Variants in NIPBL observed in about 807,000 individuals in gnomAD.
The protein encoded by NIPBL is NIPBL cohesin loading factor.
In NIPBL, 19 loss-of-function variants were observed where a neutral mutation model predicts 321.8. That is an observed-to-expected ratio of 0.06 (90% CI 0.04 to 0.09). The LOEUF (loss-of-function observed/expected upper bound fraction) is 0.09. Among genes scored for constraint, NIPBL ranks in the 10% least tolerant of loss-of-function variants. The pLI, the probability that NIPBL is intolerant of heterozygous loss-of-function variation, is 1.00. For missense variants in NIPBL, 2,210 were observed against 3,327.0 expected (o/e 0.66, Z 8.26); for synonymous variants, 1,106 against 1,114.1 (o/e 0.99, Z 0.14).
chr5:36,985,458 C>T lies in NIPBL; in HGVS notation c.2278C>T (p.His760Tyr), dbSNP rs1466832100. 2 of 1,613,698 alleles carry T rather than the reference C, an allele frequency of 1.2e-6. No homozygotes were observed. Among genetic ancestry groups the T allele is most frequent in the South Asian group, 2.2e-5 (2 of 91,076 alleles). ...TGAAGGGCGACCTGAAACACCAAAA[C>T]ACAGGCATGACAATAGGAGGGATTC... ...KNEGRPETPK[H>Y]RHDNRRDSGK... Residue 760 changes from histidine to tyrosine, a missense_variant, in exon 10 of 47, where the codon CAC (histidine) becomes TAC (tyrosine). His to Tyr is a moderately conservative substitution (Grantham distance 83). This residue lies in a region of NIPBL where 588 missense variants were observed against 564.1 expected (regional missense o/e 1.04). Coordinates refer to ENST00000282516, the MANE Select transcript of NIPBL (RefSeq NM_133433.4).
chr5:36,980,611 A>T (rs1744030698), intron 9 of NIPBL, among the ~76,000 whole-genome samples: 1 of 151,658 alleles, frequency 6.6e-6, no homozygotes, highest in African/African-American at 2.4e-5. Flanking sequence ...CATGCTGTAC[A>T]GGTTTATAGC....
intron 22 of NIPBL, among the ~76,000 whole-genome samples, chr5:37,015,323 C>T (rs1001495218): frequency 3.3e-5 from 5 of 152,062 alleles, no homozygotes; most frequent in African/African-American, 4.8e-5. Flanking sequence ...GGGGTTTCCC[C>T]GTGTTGGTTA....
At chr5:37,030,104 A>G (rs546933806) in intron 32 of NIPBL, among the ~76,000 whole-genome samples, 1 of 152,342 alleles carries the variant, frequency 6.6e-6, no homozygotes, top group African/African-American at 2.4e-5. Context: ...ATCTACAATA[A>G]TGTCATCTTG....
intron 10 of NIPBL, among the ~76,000 whole-genome samples, chr5:36,994,325 A>G (rs1005580166): frequency 1.3e-5 from 2 of 152,276 alleles, no homozygotes; most frequent in African/African-American, 4.8e-5. Flanking sequence ...AGAAGAACAG[A>G]AGCCTAAAAG....
At chr5:37,049,753 A>G (rs1331973337) in intron 40 of NIPBL, among the ~76,000 whole-genome samples, 1 of 152,226 alleles carries the variant, frequency 6.6e-6, no homozygotes, top group Non-Finnish European at 1.5e-5. Context: ...TCGACACCTC[A>G]TAGCATTAAT....
At chr5:36,952,053 T>TGTGTGTGTGCGTGTGCGC (rs778597604) in intron 1 of NIPBL, among the ~76,000 whole-genome samples, 2 of 112,114 alleles carry the variant, frequency 1.8e-5, no homozygotes, top group African/African-American at 6.2e-5. Flanking sequence ...TGTGTGTGTG[T>TGTGTGTGTGCGTGTGCGC]GCGCGCGCGC....
intron 38 of NIPBL, 34 bp downstream of exon 38, chr5:37,046,233 T>C (rs1752967440): frequency 9.1e-7 from 1 of 1,103,590 alleles, no homozygotes; most frequent in Admixed American, 1.7e-5. Flanking sequence ...TTGTAGCTAT[T>C]TGAGAGGGAT....
intron 42 of NIPBL, among the ~76,000 whole-genome samples, chr5:37,056,425 G>A (rs1203913817): frequency 6.6e-6 from 1 of 151,832 alleles, no homozygotes; most frequent in Non-Finnish European, 1.5e-5. Flanking sequence ...ATATTAATAT[G>A]CCTTTCTGTT....
Position 36,891,834 on chromosome 5 carries a change from G to A in NIPBL, c.-80+14656G>A, listed in dbSNP as rs569742855. Among the ~76,000 whole-genome samples, 77 of 152,240 alleles carry A rather than the reference G, an allele frequency of 5.1e-4. 1 individual carries two copies. The South Asian group carries it at 9.9e-3, about 20-fold the overall frequency. On this transcript the variant is annotated intron_variant, in intron 1 of 46. Transcript: ENST00000282516. ...TCCTCAATTAAGATGGGGGATTGTA[G>A]CGAAGGAAACCCATAACAAATATTA...
intron 46 of NIPBL, 144 bp from the exon 47 acceptor site, chr5:37,064,383 C>CGGT (rs1755165918): frequency 2.6e-6 from 4 of 1,522,560 alleles, no homozygotes; most frequent in Non-Finnish European, 3.5e-6. Flanking sequence ...CTGGCGGTCA[C>CGGT]GGTGCGTCTC....
At chr5:37,005,538 A>G (rs1000507457) in intron 16 of NIPBL, among the ~76,000 whole-genome samples, 2 of 152,186 alleles carry the variant, frequency 1.3e-5, no homozygotes, top group African/African-American at 2.4e-5. Flanking sequence ...ACAAACAGCA[A>G]TGTTCGCATC....
chr5:36,983,481 AT>A, intron 9 of NIPBL, among the ~76,000 whole-genome samples: 1 of 152,042 alleles, frequency 6.6e-6, no homozygotes, highest in African/African-American at 2.4e-5. Flanking sequence ...ATAAGGAGCC[AT>A]TTTTCAGTTG....
At chr5:36,940,008 A>G (rs1479328627) in intron 1 of NIPBL, among the ~76,000 whole-genome samples, 1 of 152,190 alleles carries the variant, frequency 6.6e-6, no homozygotes, top group African/African-American at 2.4e-5. Flanking sequence ...AGGTTTTTGC[A>G]TGAACACAGT....
chr5:36,962,808 A>G (rs1003050217), intron 6 of NIPBL, among the ~76,000 whole-genome samples: 2 of 152,178 alleles, frequency 1.3e-5, no homozygotes, highest in African/African-American at 2.4e-5. Context: ...TTGTATAGGC[A>G]TTGTAAGTAA....
intron 41 of NIPBL, 53 bp downstream of exon 41, chr5:37,051,939 G>C (rs1253939881): frequency 1.4e-5 from 18 of 1,269,522 alleles, no homozygotes; most frequent in Admixed American, 1.2e-4. Context: ...CTTGAGTAAA[G>C]CATTTCTTTG....
intron 1 of NIPBL, among the ~76,000 whole-genome samples, chr5:36,901,898 T>C (rs1372611591): frequency 1.3e-5 from 2 of 152,184 alleles, no homozygotes; most frequent in Non-Finnish European, 2.9e-5. Flanking sequence ...TTCCCTTTTC[T>C]CCATTGCCTC....
At chr5:37,057,582 A>C (rs1267832749) in intron 43 of NIPBL, among the ~76,000 whole-genome samples, 1 of 152,148 alleles carries the variant, frequency 6.6e-6, no homozygotes, top group Non-Finnish European at 1.5e-5. Flanking sequence ...TATTTCTCTC[A>C]CTTTAAGCAC....
intron 32 of NIPBL, among the ~76,000 whole-genome samples, chr5:37,034,131 A>G (rs901313400): frequency 6.6e-6 from 1 of 152,172 alleles, no homozygotes; most frequent in Non-Finnish European, 1.5e-5. Context: ...TATAGGACCT[A>G]TACTGTGTTC....
At chr5:36,933,209 A>G (rs1157457047) in intron 1 of NIPBL, among the ~76,000 whole-genome samples, 1 of 151,992 alleles carries the variant, frequency 6.6e-6, no homozygotes, top group Non-Finnish European at 1.5e-5. Context: ...CCTAATTTTT[A>G]TACTTAGTTA....
Sources: gnomAD v4.1 joint callset for allele counts (sites outside exome capture counted in the v4.1 genomes callset) on GRCh38, gnomAD v4.1.1 for gene constraint, gnomAD v4.1.1 regional missense constraint, MANE v1.5 for transcripts, NCBI Gene and HGNC (gene_info 2026-07-23, HGNC 2026-07-21) for gene names.